Variants in RPS6KA5 observed in about 807,000 individuals in gnomAD.
The protein encoded by RPS6KA5 is ribosomal protein S6 kinase A5.
Under a neutral mutation model 85.5 loss-of-function variants are expected in RPS6KA5, and 27 were observed. That is an observed-to-expected ratio of 0.32 (90% CI 0.23 to 0.44). The LOEUF is 0.44. Ranked by LOEUF, RPS6KA5 falls within the 20% of genes least tolerant of loss-of-function variation. The pLI is 1.00. For missense variants in RPS6KA5, 811 were observed against 980.9 expected (o/e 0.83, Z 2.31); for synonymous variants, 334 against 348.2 (o/e 0.96, Z 0.46).
chr14:90,998,221 G>C (rs911070453), intron 2 of RPS6KA5, among the ~76,000 whole-genome samples: 2 of 152,078 alleles, frequency 1.3e-5, no homozygotes, highest in Non-Finnish European at 2.9e-5. Flanking sequence ...GAGCTTGCTT[G>C]GGCATTAATA....
intron 1 of RPS6KA5, among the ~76,000 whole-genome samples, chr14:91,020,929 T>A (rs1055020032): frequency 3.3e-5 from 5 of 152,126 alleles, no homozygotes; most frequent in Non-Finnish European, 7.3e-5. Context: ...GTTATGCATG[T>A]TCAATACTTA....
In RPS6KA5 at chr14:90,943,141, A is replaced by C. The variant is rs774290707; in HGVS notation, c.555T>G (p.Leu185=). Residue 185 remains leucine (L), a synonymous_variant, in exon 5 of 17, where the codon CTT becomes CTG. Coordinates refer to ENST00000614987, the MANE Select transcript of RPS6KA5 (RefSeq NM_004755.4). ...TCAGCACCACATGGCCATTAGAATC[A>C]AGTAGAATATTCTCAAGCTTAATAT... ...YRDIKLENIL[L]DSNGHVVLTD... 46 of 1,612,500 alleles carry C rather than the reference A, an allele frequency of 2.9e-5. No individual in the cohort carries two copies. In the Middle Eastern group the frequency reaches 5.0e-4, roughly 17 times the overall value.
chr14:90,991,713 A>AAG, intron 2 of RPS6KA5, among the ~76,000 whole-genome samples: 1 of 151,074 alleles, frequency 6.6e-6, no homozygotes, highest in African/African-American at 2.4e-5. Context: ...AAAAAAAAAA[A>AAG]AAAAAAAGAA....
At chr14:90,880,686 T>C (rs2033779795) in intron 14 of RPS6KA5, among the ~76,000 whole-genome samples, 2 of 152,226 alleles carry the variant, frequency 1.3e-5, no homozygotes. Context: ...TGTCTACTTC[T>C]CCCTTCAGTT....
At position 90,961,250 on chromosome 14, in the gene RPS6KA5, C is replaced by A. The variant is rs954192974; in HGVS notation, c.395-13700G>T. 1.7e-4 allele frequency among the ~76,000 whole-genome samples: 26 copies of A among 152,250 alleles called. 1 individual carries two copies. The highest frequency in any genetic ancestry group is 2.6e-4 in the Non-Finnish European group (18 of 68,008). ...ACTATTAAAATAATCACATAATCCCCAGAGAAAATAGGAATCTCCAGAGAA... is the reference window on the plus strand; with the variant it reads ...ACTATTAAAATAATCACATAATCCCAAGAGAAAATAGGAATCTCCAGAGAA... On this transcript the variant is annotated intron_variant, in intron 3 of 16. Transcript: ENST00000614987.
intron 3 of RPS6KA5, among the ~76,000 whole-genome samples, chr14:90,971,067 C>T (rs1024923619): frequency 2.0e-5 from 3 of 152,074 alleles, no homozygotes; most frequent in Non-Finnish European, 1.5e-5. Flanking sequence ...CCTGGAATCC[C>T]AGCACTTTGG....
At chr14:91,031,944 T>C (rs984228641) in intron 1 of RPS6KA5, among the ~76,000 whole-genome samples, 3 of 148,290 alleles carry the variant, frequency 2.0e-5, no homozygotes, top group African/African-American at 7.3e-5. Flanking sequence ...ATCCCTCTTG[T>C]ACTATTTGAC....
intron 7 of RPS6KA5, among the ~76,000 whole-genome samples, chr14:90,913,526 G>A (rs901076488): frequency 1.3e-5 from 2 of 152,142 alleles, no homozygotes; most frequent in Admixed American, 6.5e-5. Context: ...GGTCCTCACC[G>A]CTCTTGTACA....
rs552619847 is a variant in RPS6KA5 at position 90,893,960 on chromosome 14, CA to C, written c.1644+452del. 7.3e-6 allele frequency: 6 copies of C among 822,036 alleles called. No individual in the cohort carries two copies. The South Asian group carries it at 3.4e-4, about 46-fold the overall frequency. The allele number at this position is 822,036 out of a possible 1,614,324, so 50.9% of individuals were successfully genotyped here. ...GACGGCATAACTAATTAAACCAAGA[CA>C]ACTCTTTAAGTATTTAGAATAGAAT... On this transcript the variant is annotated intron_variant, in intron 13 of 16. Transcript: ENST00000614987.
At chr14:90,982,650 G>A (rs1257722933) in intron 2 of RPS6KA5, among the ~76,000 whole-genome samples, 1 of 152,198 alleles carries the variant, frequency 6.6e-6, no homozygotes, top group Non-Finnish European at 1.5e-5. Context: ...AACTACATCA[G>A]AGCCAAGGTC....
At chr14:91,020,384 A>C (rs142915724) in intron 1 of RPS6KA5, among the ~76,000 whole-genome samples, 5 of 152,340 alleles carry the variant, frequency 3.3e-5, no homozygotes, top group African/African-American at 1.2e-4. Flanking sequence ...TAGGTATTTA[A>C]AGTAATGTAG....
intron 2 of RPS6KA5, among the ~76,000 whole-genome samples, chr14:90,983,791 CTCTCT>C (rs2039919642): frequency 1.0e-5 from 1 of 97,260 alleles, no homozygotes; most frequent in African/African-American, 4.3e-5. Context: ...CTTTCTTTCT[CTCTCT>C]CTCTCTCTCT....
intron 8 of RPS6KA5, among the ~76,000 whole-genome samples, chr14:90,905,673 T>C (rs1252151785): frequency 1.3e-5 from 2 of 152,172 alleles, no homozygotes. Context: ...AATATGTAAC[T>C]GAGAAATAGG....
chr14:90,985,100 C>A (rs2040004099), intron 2 of RPS6KA5, among the ~76,000 whole-genome samples: 1 of 152,100 alleles, frequency 6.6e-6, no homozygotes, highest in South Asian at 2.1e-4. Flanking sequence ...CGCCACCACG[C>A]CCATCTAATT....
chr14:90,944,340 G>C (rs745543688), intron 4 of RPS6KA5, among the ~76,000 whole-genome samples: 1 of 152,162 alleles, frequency 6.6e-6, no homozygotes, highest in East Asian at 1.9e-4. Flanking sequence ...CTAGGGGCCA[G>C]GCACAGTGGC....
chr14:90,874,777 C>A (rs17261092), intron 15 of RPS6KA5, among the ~76,000 whole-genome samples: 19 of 152,114 alleles, frequency 1.2e-4, no homozygotes, highest in South Asian at 8.3e-4. Context: ...CTGCTAGGAG[C>A]GCTGCTGAAT....
intron 3 of RPS6KA5, among the ~76,000 whole-genome samples, chr14:90,963,359 C>T (rs756471010): frequency 2.0e-5 from 3 of 152,112 alleles, no homozygotes; most frequent in South Asian, 2.1e-4. Context: ...GAGTTTGCCA[C>T]GTTTCTCCAC....
chr14:90,874,526 T>C (rs139233273), intron 15 of RPS6KA5, among the ~76,000 whole-genome samples: 43 of 152,102 alleles, frequency 2.8e-4, no homozygotes, highest in African/African-American at 1.0e-3. Context: ...ATGAGGGGCT[T>C]TGAATGTTAA....
Position 90,864,460 on chromosome 14 carries a change from A to G in RPS6KA5, c.*7614T>C, listed in dbSNP as rs995372131. The stretch of plus-strand genomic sequence containing the variant: ...CGGCCAATAAAGCTTTTAGAAGAAT[A>G]TAAGAATATCTTCATAACCTTGGTG... On this transcript the variant is annotated 3_prime_UTR_variant, in exon 17 of 17. Transcript: ENST00000614987. The G allele has an allele frequency of 1.3e-5, 2 of 152,204 alleles. No individual in the cohort carries two copies. The highest frequency in any genetic ancestry group is 6.5e-5 in the Admixed American group (1 of 15,274). The allele number at this position is 152,204 out of a possible 1,614,324, so 9.4% of individuals were successfully genotyped here.
Sources: gnomAD v4.1 joint callset for allele counts (sites outside exome capture counted in the v4.1 genomes callset) on GRCh38, gnomAD v4.1.1 for gene constraint, MANE v1.5 for transcripts, NCBI Gene and HGNC (gene_info 2026-07-23, HGNC 2026-07-21) for gene names.